CCSER1: variants seen among roughly 807,000 people sequenced by gnomAD.
CCSER1 encodes the protein coiled-coil serine rich protein 1, also known as serine-rich coiled-coil domain-containing protein 1.
CCSER1 carries 41 observed loss-of-function variants against 82.0 expected under a neutral mutation model. The ratio of observed to expected loss-of-function variants is 0.50; its 90% CI spans 0.39 to 0.65. The LOEUF is 0.65. CCSER1 is among the 30% of genes least tolerant of loss of function. CCSER1 has a pLI of 0.00. For synonymous variants in CCSER1, 414 were observed against 383.9 expected (o/e 1.08, Z -0.92); for missense variants, 1,119 against 1,064.2 (o/e 1.05, Z -0.72).
chr4:91,007,527 C>A (rs1171332020), intron 9 of CCSER1, among the ~76,000 whole-genome samples: 2 of 151,650 alleles, frequency 1.3e-5, no homozygotes, highest in Non-Finnish European at 1.5e-5. Flanking sequence ...TGTATGTGTC[C>A]AGGAATTTAT....
chr4:90,257,556 G>GATAGATAGATAGATAGATAC (rs946997938), intron 1 of CCSER1, among the ~76,000 whole-genome samples: 68 of 109,946 alleles, frequency 6.2e-4, no homozygotes, highest in African/African-American at 1.8e-3. Flanking sequence ...TAGATAGATA[G>GATAGATAGATAGATAGATAC]ATAGATACAT....
intron 6 of CCSER1, among the ~76,000 whole-genome samples, chr4:90,712,782 T>A (rs1354811964): frequency 6.6e-6 from 1 of 152,018 alleles, no homozygotes; most frequent in African/African-American, 2.4e-5. Context: ...AGTCTTTTTG[T>A]AGGTCTCTAG....
chr4:91,523,997 T>C (rs1411677203), intron 10 of CCSER1, among the ~76,000 whole-genome samples: 1 of 152,206 alleles, frequency 6.6e-6, no homozygotes, highest in East Asian at 1.9e-4. Flanking sequence ...CAACAACAAA[T>C]CTAACATTGG....
intron 9 of CCSER1, among the ~76,000 whole-genome samples, chr4:90,992,770 C>G (rs1179332583): frequency 1.3e-5 from 2 of 151,888 alleles, no homozygotes; most frequent in Admixed American, 6.6e-5. Flanking sequence ...ACATAGGGTT[C>G]CCTAGTATGA....
At chr4:90,585,505 C>T (rs1334520487) in intron 5 of CCSER1, among the ~76,000 whole-genome samples, 1 of 152,040 alleles carries the variant, frequency 6.6e-6, no homozygotes, top group African/African-American at 2.4e-5. Flanking sequence ...ACAAATGATT[C>T]AATATACTCT....
At chr4:90,610,756 AT>A (rs1285657155) in intron 5 of CCSER1, among the ~76,000 whole-genome samples, 1 of 152,210 alleles carries the variant, frequency 6.6e-6, no homozygotes, top group African/African-American at 2.4e-5. Context: ...ATATTATCAA[AT>A]TTATTAATAT....
intron 5 of CCSER1, among the ~76,000 whole-genome samples, chr4:90,480,326 T>C (rs575518815): frequency 2.1e-3 from 321 of 152,320 alleles, no homozygotes; most frequent in Admixed American, 3.1e-3. Context: ...ATTCTGTAGG[T>C]TGCCTGTTCA....
chr4:90,937,716 T>A (rs1281660825), intron 9 of CCSER1, among the ~76,000 whole-genome samples: 1 of 152,186 alleles, frequency 6.6e-6, no homozygotes, highest in African/African-American at 2.4e-5. Flanking sequence ...TGGTTTCTTT[T>A]TAACCATTTC....
chr4:91,119,649 A>G (rs1212275533), intron 10 of CCSER1, among the ~76,000 whole-genome samples: 1 of 151,972 alleles, frequency 6.6e-6, no homozygotes, highest in Non-Finnish European at 1.5e-5. Context: ...AAATAGAAAA[A>G]AATTGAAATG....
intron 5 of CCSER1, among the ~76,000 whole-genome samples, chr4:90,496,931 T>C (rs1365140829): frequency 7.1e-6 from 1 of 141,758 alleles, no homozygotes; most frequent in Non-Finnish European, 1.5e-5. Flanking sequence ...TGAACCGAGA[T>C]TGTGCCTCTG....
intron 10 of CCSER1, among the ~76,000 whole-genome samples, chr4:91,502,150 G>A (rs1261638820): frequency 1.3e-5 from 2 of 152,180 alleles, no homozygotes; most frequent in Non-Finnish European, 2.9e-5. Context: ...AGGACTGCCA[G>A]GGCTTTGAGG....
intron 10 of CCSER1, among the ~76,000 whole-genome samples, chr4:91,391,614 A>G (rs963645939): frequency 6.6e-6 from 1 of 152,076 alleles, no homozygotes; most frequent in Non-Finnish European, 1.5e-5. Context: ...TCCATTTGTT[A>G]CCTAGAGATA....
intron 9 of CCSER1, among the ~76,000 whole-genome samples, chr4:91,035,315 A>G (rs1741343736): frequency 6.6e-6 from 1 of 152,208 alleles, no homozygotes; most frequent in South Asian, 2.1e-4. Flanking sequence ...TGAATTGGTC[A>G]TGAGAAACAC....
intron 4 of CCSER1, among the ~76,000 whole-genome samples, chr4:90,442,651 A>G (rs948506331): frequency 1.3e-5 from 2 of 152,304 alleles, no homozygotes; most frequent in East Asian, 1.9e-4. Flanking sequence ...AATTGAGGCA[A>G]GTTTTGACGA....
intron 10 of CCSER1, among the ~76,000 whole-genome samples, chr4:91,272,417 A>C (rs564901786): frequency 1.3e-5 from 2 of 152,096 alleles, no homozygotes; most frequent in Admixed American, 6.5e-5. Context: ...TTGTCTATTC[A>C]TGTCCTTAGC....
Position 90,557,136 on chromosome 4 carries a change from T to C in CCSER1, c.1725-70889T>C, listed in dbSNP as rs541080266. On this transcript the variant is annotated intron_variant, in intron 5 of 10. Coordinates refer to ENST00000509176, the MANE Select transcript of CCSER1 (RefSeq NM_001145065.2). ...TAGATTTATAACTTCCAGTGTTTCA[T>C]AGAGATATACTAAAAGTTTTATGAG... 4.7e-3 allele frequency among the ~76,000 whole-genome samples: 708 copies of C among 152,098 alleles called. 6 individuals carry two copies. The highest frequency in any genetic ancestry group is 0.016 in the African/African-American group (664 of 41,562).
chr4:90,784,642 T>G (rs1754228410), intron 7 of CCSER1, among the ~76,000 whole-genome samples: 1 of 152,156 alleles, frequency 6.6e-6, no homozygotes, highest in Non-Finnish European at 1.5e-5. Flanking sequence ...AGTATCCATA[T>G]ATTTCACTAC....
chr4:91,488,186 A>C (rs1758326445), intron 10 of CCSER1, among the ~76,000 whole-genome samples: 1 of 152,176 alleles, frequency 6.6e-6, no homozygotes, highest in African/African-American at 2.4e-5. Context: ...CGGTTATCCA[A>C]AAATTAAGAG....
intron 5 of CCSER1, among the ~76,000 whole-genome samples, chr4:90,549,532 G>C (rs1396528836): frequency 6.6e-6 from 1 of 152,156 alleles, no homozygotes; most frequent in Non-Finnish European, 1.5e-5. Flanking sequence ...AAGGAGAGAA[G>C]CAGTGGCAGA....
Sources: gnomAD v4.1 joint callset for allele counts (sites outside exome capture counted in the v4.1 genomes callset) on GRCh38, gnomAD v4.1.1 for gene constraint, MANE v1.5 for transcripts, NCBI Gene and HGNC (gene_info 2026-07-23, HGNC 2026-07-21) for gene names.